The following GOLPH3L variants were observed in gnomAD, a reference collection of about 807,000 sequenced individuals.
GOLPH3L encodes Golgi phosphoprotein 3-like.
In GOLPH3L, 22 loss-of-function variants were observed where a neutral mutation model predicts 30.3. That is an observed-to-expected ratio of 0.73 (90% CI 0.52 to 1.04). The LOEUF (loss-of-function observed/expected upper bound fraction) is 1.04, where lower values mean the gene tolerates loss of function less well. Among genes scored for constraint, GOLPH3L ranks in the 50% least tolerant of loss-of-function variants. The pLI is 0.00. For synonymous variants in GOLPH3L, 120 were observed against 128.2 expected (o/e 0.94, Z 0.43); for missense variants, 303 against 345.8 (o/e 0.88, Z 0.98).
intron 4 of GOLPH3L, among the ~76,000 whole-genome samples, chr1:150,659,707 G>A (rs1007854302): frequency 6.6e-6 from 1 of 152,014 alleles, no homozygotes; most frequent in African/African-American, 2.4e-5. Context: ...CAACTGAGCT[G>A]GTCTCGGCAA....
At chr1:150,671,378 C>G (rs1650639828) in intron 2 of GOLPH3L, among the ~76,000 whole-genome samples, 1 of 152,076 alleles carries the variant, frequency 6.6e-6, no homozygotes, top group African/African-American at 2.4e-5. Context: ...TAAATTCAGA[C>G]AGTCAACACT....
chr1:150,679,293 T>C (rs1170803048), intron 2 of GOLPH3L, among the ~76,000 whole-genome samples: 3 of 152,148 alleles, frequency 2.0e-5, no homozygotes, highest in Non-Finnish European at 4.4e-5. Flanking sequence ...AATAGCGAAG[T>C]ACAGAAGCTC....
chr1:150,683,311 C>T (rs1571052953), intron 2 of GOLPH3L, among the ~76,000 whole-genome samples: 2 of 151,874 alleles, frequency 1.3e-5, no homozygotes, highest in Admixed American at 1.3e-4. Context: ...CCGAGGCGGG[C>T]GGATCACGAG....
chr1:150,687,892 T>C (rs1651124347), intron 2 of GOLPH3L, among the ~76,000 whole-genome samples: 1 of 152,224 alleles, frequency 6.6e-6, no homozygotes, highest in South Asian at 2.1e-4. Flanking sequence ...TGAATAGTGG[T>C]ATATTCATGT....
At chr1:150,683,699 CAAAAAAAAAAAAAAAAAAAAAAA>C (rs397981524) in intron 2 of GOLPH3L, among the ~76,000 whole-genome samples, 1 of 14,958 alleles carries the variant, frequency 6.7e-5, no homozygotes, top group Admixed American at 1.7e-3. Flanking sequence ...GACTCTCTCT[CAAAAAAAAAAAAAAAAAAAAAAA>C]AAAAAAAAAA....
chr1:150,655,700 G>T (rs1650222697), intron 4 of GOLPH3L, among the ~76,000 whole-genome samples: 1 of 152,124 alleles, frequency 6.6e-6, no homozygotes, highest in Non-Finnish European at 1.5e-5. Flanking sequence ...CTTCGTTAAT[G>T]AACAATTAGA....
chr1:150,686,033 C>A (rs953251095), intron 2 of GOLPH3L, among the ~76,000 whole-genome samples: 1 of 151,860 alleles, frequency 6.6e-6, no homozygotes, highest in Non-Finnish European at 1.5e-5. Context: ...TGCCACCACA[C>A]CCGGCTAATT....
At chr1:150,696,267 T>C (rs1275907266) in intron 1 of GOLPH3L, among the ~76,000 whole-genome samples, 1 of 152,298 alleles carries the variant, frequency 6.6e-6, no homozygotes, top group South Asian at 2.1e-4. Context: ...TTTCTCTTCC[T>C]CTTTACATTC....
intron 2 of GOLPH3L, among the ~76,000 whole-genome samples, chr1:150,682,437 GGGCAACAT>G (rs1279846714): frequency 2.6e-5 from 4 of 151,610 alleles, no homozygotes; most frequent in Non-Finnish European, 2.9e-5. Flanking sequence ...AGACCAGCCT[GGGCAACAT>G]GGCAAAATCC....
intron 2 of GOLPH3L, among the ~76,000 whole-genome samples, chr1:150,688,944 T>C (rs1651150443): frequency 6.6e-6 from 1 of 152,214 alleles, no homozygotes; most frequent in South Asian, 2.1e-4. Context: ...TTCTGGCTTC[T>C]ACTCCCAGCA....
chr1:150,663,369 G>T (rs984275044), intron 3 of GOLPH3L, among the ~76,000 whole-genome samples: 1 of 152,068 alleles, frequency 6.6e-6, no homozygotes, highest in Non-Finnish European at 1.5e-5. Context: ...ATAGATATAG[G>T]AGGAATTTAA....
chr1:150,660,867 G>A (rs1005086275), intron 4 of GOLPH3L, among the ~76,000 whole-genome samples: 2 of 152,154 alleles, frequency 1.3e-5, no homozygotes, highest in African/African-American at 4.8e-5. Flanking sequence ...ATAGATAGAG[G>A]TGACGGTTAC....
In GOLPH3L at chr1:150,647,805, A is replaced by C. The variant is rs1650019631; in HGVS notation, c.*516T>G. On this transcript the variant is annotated 3_prime_UTR_variant, in exon 5 of 5. Transcript: ENST00000271732. ...ACTAGCAGGATATGCAATTCCAGAG[A>C]CCATCTGCTCCAAAAATTAGTTTTG... 6.5e-6 allele frequency: 1 copy of C among 152,900 alleles called. No individual in the cohort carries two copies. The highest frequency in any genetic ancestry group is 1.5e-5 in the Non-Finnish European group (1 of 68,302). The allele number at this position is 152,900 out of a possible 1,614,324, so 9.5% of individuals were successfully genotyped here.
intron 2 of GOLPH3L, among the ~76,000 whole-genome samples, chr1:150,691,957 C>T (rs75846059): frequency 0.01 from 1,528 of 150,388 alleles, 20 homozygotes; most frequent in African/African-American, 0.036. Flanking sequence ...GATGGACCTT[C>T]GGGTTACTTA....
intron 2 of GOLPH3L, among the ~76,000 whole-genome samples, chr1:150,669,512 T>TA (rs1650592992): frequency 6.6e-6 from 1 of 152,214 alleles, no homozygotes; most frequent in African/African-American, 2.4e-5. Context: ...ACGTACATAC[T>TA]AAAGTTCACC....
rs1650033856 is a variant in GOLPH3L, at chr1:150,648,505, A to C, written c.674T>G (p.Leu225Arg). The C allele has an allele frequency of 6.2e-7, 1 of 1,612,052 alleles. No individual in the cohort carries two copies. The highest frequency in any genetic ancestry group is 1.3e-5 in the African/African-American group (1 of 74,856). The change falls in exon 5 of 5, where the codon CTC becomes CGC. Residue 225 changes from leucine (L) to arginine (R), a missense_variant. By Grantham distance (102) the Leu-to-Arg change is moderately radical. Transcript: ENST00000271732. ...PQRMDKRTLA[L>R]LVLAHSSDVL... ...ATCAGAGGAGTGGGCTAGCACCAGG[A>C]GTGCTAGTGTTCGCTTGTCCATACG...
intron 2 of GOLPH3L, among the ~76,000 whole-genome samples, chr1:150,665,337 T>A (rs1350918840): frequency 6.6e-6 from 1 of 152,004 alleles, no homozygotes; most frequent in Non-Finnish European, 1.5e-5. Context: ...CTTTTTTTTT[T>A]TAAGAGACAG....
intron 2 of GOLPH3L, among the ~76,000 whole-genome samples, chr1:150,669,913 G>C (rs1341648235): frequency 6.6e-6 from 1 of 151,626 alleles, no homozygotes; most frequent in Non-Finnish European, 1.5e-5. Flanking sequence ...AGTTAGCTGA[G>C]ATCACACCAC....
At chr1:150,693,135 G>A (rs1345218614) in intron 2 of GOLPH3L, among the ~76,000 whole-genome samples, 1 of 152,004 alleles carries the variant, frequency 6.6e-6, no homozygotes, top group Non-Finnish European at 1.5e-5. Context: ...CCTACATCTT[G>A]GCCAGGTACA....
Sources: gnomAD v4.1 joint callset for allele counts (sites outside exome capture counted in the v4.1 genomes callset) on GRCh38, gnomAD v4.1.1 for gene constraint, MANE v1.5 for transcripts, NCBI Gene and HGNC (gene_info 2026-07-23, HGNC 2026-07-21) for gene names.